AATF: variants seen among roughly 807,000 people sequenced by gnomAD.
The protein encoded by AATF is protein AATF.
AATF carries 48 observed loss-of-function variants against 63.7 expected under a neutral mutation model. That is an observed-to-expected ratio of 0.75 (90% CI 0.60 to 0.96). The LOEUF is 0.96. Ranked by LOEUF, AATF falls within the 40% of genes least tolerant of loss-of-function variation. The pLI, the probability that AATF is intolerant of heterozygous loss-of-function variation, is 0.00. For missense variants in AATF, 639 were observed against 685.7 expected (o/e 0.93, Z 0.76); for synonymous variants, 258 against 247.7 (o/e 1.04, Z -0.39).
At chr17:36,956,201 C>A (rs2070898525) in intron 4 of AATF, among the ~76,000 whole-genome samples, 1 of 152,118 alleles carries the variant, frequency 6.6e-6, no homozygotes, top group African/African-American at 2.4e-5. Flanking sequence ...ATTAATCTGA[C>A]AGGGTGGGTT....
At chr17:36,949,518 C>A (rs1038263800) in intron 1 of AATF, among the ~76,000 whole-genome samples, 1 of 152,256 alleles carries the variant, frequency 6.6e-6, no homozygotes, top group African/African-American at 2.4e-5. Context: ...AGAGAGTCTG[C>A]TAGCAAGTTG....
intron 4 of AATF, among the ~76,000 whole-genome samples, chr17:36,978,239 C>T (rs138769215): frequency 8.5e-5 from 13 of 152,214 alleles, no homozygotes; most frequent in Middle Eastern, 3.4e-3. Context: ...TACTTACTCC[C>T]CCAATTCCCC....
chr17:37,013,769 T>C (rs1292825362), intron 8 of AATF, among the ~76,000 whole-genome samples: 1 of 152,142 alleles, frequency 6.6e-6, no homozygotes, highest in Admixed American at 6.5e-5. Flanking sequence ...ATGATTACAT[T>C]TTTCTTACAA....
chr17:37,024,027 TAAG>T (rs1327262659), intron 10 of AATF, among the ~76,000 whole-genome samples: 2 of 152,092 alleles, frequency 1.3e-5, no homozygotes, highest in African/African-American at 2.4e-5. Flanking sequence ...TTTAGAATAA[TAAG>T]AAAAAAAATT....
At chr17:37,013,343 GTC>G (rs1186605900) in intron 8 of AATF, among the ~76,000 whole-genome samples, 1 of 152,194 alleles carries the variant, frequency 6.6e-6, no homozygotes, top group Non-Finnish European at 1.5e-5. Context: ...GTTCTCAAGT[GTC>G]TTAGTCTGTT....
intron 2 of AATF, among the ~76,000 whole-genome samples, chr17:36,951,535 A>G (rs2070855035): frequency 6.6e-6 from 1 of 152,192 alleles, no homozygotes; most frequent in Non-Finnish European, 1.5e-5. Context: ...AATCCTCCCA[A>G]TTGCGCAGGA....
chr17:36,955,555 C>A (rs940315144), intron 4 of AATF, among the ~76,000 whole-genome samples: 2 of 152,136 alleles, frequency 1.3e-5, no homozygotes, highest in African/African-American at 2.4e-5. Flanking sequence ...TGTCCTAGTA[C>A]CCTAATTCCT....
intron 8 of AATF, among the ~76,000 whole-genome samples, chr17:37,001,582 A>G (rs1164935792): frequency 1.3e-5 from 2 of 152,218 alleles, no homozygotes; most frequent in Non-Finnish European, 2.9e-5. Flanking sequence ...TAGAATATGG[A>G]AAGAAACCAC....
chr17:36,989,152 ATCTC>A (rs1215330843), intron 6 of AATF, 91 bp from the exon 7 acceptor site: 2 of 1,359,746 alleles, frequency 1.5e-6, no homozygotes, highest in Non-Finnish European at 2.0e-6. Context: ...ATGATTTTCT[ATCTC>A]TCTGCTGACA....
intron 11 of AATF, among the ~76,000 whole-genome samples, chr17:37,049,786 A>G (rs1386963502): frequency 6.6e-6 from 1 of 152,072 alleles, no homozygotes; most frequent in Non-Finnish European, 1.5e-5. Flanking sequence ...GTGCCAAGTG[A>G]TAATTGGCAA....
At chr17:36,991,144 T>C in intron 8 of AATF, among the ~76,000 whole-genome samples, 1 of 152,342 alleles carries the variant, frequency 6.6e-6, no homozygotes, top group East Asian at 1.9e-4. Flanking sequence ...AAGTGGGTTC[T>C]TTCTGAGCCA....
At chr17:37,027,076 G>C (rs2071516368) in intron 10 of AATF, among the ~76,000 whole-genome samples, 1 of 152,138 alleles carries the variant, frequency 6.6e-6, no homozygotes, top group Admixed American at 6.6e-5. Context: ...CACTTCATTA[G>C]TTTAAATGGT....
At chr17:37,030,505 T>C (rs1387019891) in intron 10 of AATF, among the ~76,000 whole-genome samples, 1 of 152,196 alleles carries the variant, frequency 6.6e-6, no homozygotes, top group Non-Finnish European at 1.5e-5. Context: ...GGATACCCCT[T>C]TGAATTATCT....
At chr17:36,995,916 A>G (rs112669582) in intron 8 of AATF, among the ~76,000 whole-genome samples, 39 of 152,258 alleles carry the variant, frequency 2.6e-4, no homozygotes, top group South Asian at 2.1e-4. Context: ...CAGTGGTTCA[A>G]CTGATGGTTA....
intron 4 of AATF, among the ~76,000 whole-genome samples, chr17:36,973,746 A>G (rs2071057740): frequency 6.6e-6 from 1 of 152,246 alleles, no homozygotes; most frequent in Admixed American, 6.5e-5. Flanking sequence ...TTATAAAAAT[A>G]CAATATGTAT....
chr17:37,025,256 G>A (rs77010396), intron 10 of AATF, among the ~76,000 whole-genome samples: 23,290 of 152,114 alleles, frequency 0.15, 1,860 homozygotes, highest in Non-Finnish European at 0.16. Context: ...TTCAGTTTCT[G>A]AATATGTTGA....
Position 37,026,836 on chromosome 17 carries a change from T to G in AATF, c.1548-4778T>G, listed in dbSNP as rs115907742. On this transcript the variant is annotated intron_variant, in intron 10 of 11. Transcript: ENST00000619387. ...ACATCTTGGCCACCTTAGCATCCTTTCCTAAGGGGTTAAACCAAGTGGCCC... is the reference window on the plus strand; with the variant it reads ...ACATCTTGGCCACCTTAGCATCCTTGCCTAAGGGGTTAAACCAAGTGGCCC... Among the ~76,000 whole-genome samples, 729 of 152,274 alleles carry G rather than the reference T, an allele frequency of 4.8e-3. 11 individuals carry two copies. The highest frequency in any genetic ancestry group is 0.017 in the African/African-American group (699 of 41,550).
chr17:36,981,802 G>A (rs1364111852), intron 4 of AATF, among the ~76,000 whole-genome samples: 1 of 148,856 alleles, frequency 6.7e-6, no homozygotes, highest in South Asian at 2.1e-4. Context: ...CTCCCAAAGT[G>A]TTGGGTTTAC....
At chr17:37,044,817 T>A (rs929663459) in intron 11 of AATF, among the ~76,000 whole-genome samples, 1 of 152,194 alleles carries the variant, frequency 6.6e-6, no homozygotes, top group African/African-American at 2.4e-5. Flanking sequence ...GTGTCGGTGC[T>A]CAAAAAGTTT....
Sources: allele counts gnomAD v4.1 joint callset (sites outside exome capture counted in the v4.1 genomes callset), GRCh38; gene constraint gnomAD v4.1.1; transcripts MANE v1.5; gene names NCBI Gene and HGNC (gene_info 2026-07-23, HGNC 2026-07-21).